PRSS12: variants seen among roughly 807,000 people sequenced by gnomAD.
PRSS12 encodes the protein neurotrypsin.
A neutral mutation model predicts 104.4 loss-of-function variants in PRSS12; 85 were observed. The ratio of observed to expected loss-of-function variants is 0.81; its 90% CI spans 0.68 to 0.98. The LOEUF (loss-of-function observed/expected upper bound fraction) is 0.98, where lower values mean the gene tolerates loss of function less well. Ranked by LOEUF, PRSS12 falls within the 50% of genes least tolerant of loss-of-function variation. PRSS12 has a pLI of 0.00. For synonymous variants in PRSS12, 454 were observed against 425.2 expected (o/e 1.07, Z -0.83); for missense variants, 1,141 against 1,139.2 (o/e 1.00, Z -0.02).
intron 1 of PRSS12, among the ~76,000 whole-genome samples, chr4:118,348,902 T>G (rs1179651979): frequency 6.6e-6 from 1 of 152,172 alleles, no homozygotes. Context: ...TCCACCTGCC[T>G]CAGCCTCCCA....
At chr4:118,306,713 G>A (rs1348386975) in intron 8 of PRSS12, among the ~76,000 whole-genome samples, 1 of 152,014 alleles carries the variant, frequency 6.6e-6, no homozygotes, top group East Asian at 1.9e-4. Flanking sequence ...ATGAGATTTG[G>A]GTGGGGACAA....
At chr4:118,303,305 A>G (rs1028861140) in intron 8 of PRSS12, 2 of 152,164 alleles carry the variant, frequency 1.3e-5, no homozygotes, top group Non-Finnish European at 2.9e-5. Context: ...AGTAGATGGC[A>G]GGTAGAAGTA....
At chr4:118,314,530 A>G (rs1743851404) in intron 6 of PRSS12, among the ~76,000 whole-genome samples, 1 of 152,128 alleles carries the variant, frequency 6.6e-6, no homozygotes, top group African/African-American at 2.4e-5. Flanking sequence ...TGTCCATAGC[A>G]ACTACACAAC....
At position 118,307,198 on chromosome 4, in the gene PRSS12, T is replaced by C. The variant is rs140012574; in HGVS notation, c.1631+1238A>G. Among the ~76,000 whole-genome samples the C allele has an allele frequency of 3.7e-3, 561 of 152,210 alleles. 2 individuals carry two copies. Among genetic ancestry groups the C allele is most frequent in the African/African-American group, 0.013 (525 of 41,540 alleles). On this transcript the variant is annotated intron_variant, in intron 8 of 12. Transcript: ENST00000296498. Reference sequence around the variant, plus strand: ...ACTTTACTGCCCCATATTTTGAAAATTGAAAATTTATATCACAAATGAAGG... The same window carrying C: ...ACTTTACTGCCCCATATTTTGAAAACTGAAAATTTATATCACAAATGAAGG...
chr4:118,318,903 T>C (rs1723530206), intron 4 of PRSS12, among the ~76,000 whole-genome samples: 1 of 152,198 alleles, frequency 6.6e-6, no homozygotes. Context: ...TGTGGTAAAA[T>C]AAACATAACA....
chr4:118,308,644 T>G lies in PRSS12; in HGVS notation c.1490-67A>C. On this transcript the variant is annotated intron_variant, in intron 7 of 12. Coordinates refer to ENST00000296498, the MANE Select transcript of PRSS12 (RefSeq NM_003619.4). ...AAACTGATTCTAAAGCATGAGCGAC[T>G]CTACAAAACACAATTGTTCTTTTTA... 4.5e-6 allele frequency: 7 copies of G among 1,560,816 alleles called. No individual in the cohort carries two copies. The South Asian group carries it at 7.8e-5, about 17-fold the overall frequency.
intron 6 of PRSS12, 73 bp from the exon 7 acceptor site, chr4:118,313,470 C>T: frequency 1.3e-6 from 2 of 1,483,080 alleles, no homozygotes; most frequent in South Asian, 1.1e-5. Context: ...ACATTTAACA[C>T]AAGCAACTTA....
In PRSS12 at chr4:118,313,258, G is replaced by A. The variant is rs143623699; in HGVS notation, c.1432C>T (p.Arg478Cys). 2.3e-5 allele frequency: 37 copies of A among 1,613,964 alleles called. No individual in the cohort carries two copies. The highest frequency in any genetic ancestry group is 6.6e-5 in the South Asian group (6 of 91,086). Residue 478 changes from arginine to cysteine, a missense_variant, in exon 7 of 13, where the codon CGC becomes TGC. Transcript: ENST00000296498. ...TAGCAGGCAATGCTAACATCTTCGC[G>A]GTGGCTGCAGTCATGCCTTCCCCAC... ...RQWGRHDCSH[R>C]EDVSIACYPG...
At chr4:118,284,991 C>T (rs1742983140) in intron 11 of PRSS12, among the ~76,000 whole-genome samples, 1 of 152,094 alleles carries the variant, frequency 6.6e-6, no homozygotes, top group Non-Finnish European at 1.5e-5. Flanking sequence ...AAACTTCCCA[C>T]TTCTATAAAA....
At chr4:118,323,945 G>A (rs1262765813) in intron 4 of PRSS12, among the ~76,000 whole-genome samples, 1 of 151,860 alleles carries the variant, frequency 6.6e-6, no homozygotes, top group East Asian at 1.9e-4. Context: ...TGTCACTAAG[G>A]CTGGATTCCA....
In PRSS12 at chr4:118,352,539, G is replaced by GGCGGCGGCGGAC; in HGVS notation, c.170_181dup (p.Arg57_Pro60dup). The GGCGGCGGCGGAC allele has an allele frequency of 6.6e-7, 1 of 1,504,700 alleles. No homozygotes were observed. 93.2% of individuals were successfully genotyped at this position (1,504,700 alleles called of 1,614,324 possible). ...CGGGGGGCGCGGGAAGCGCGGGAGAGGCGGCGGCGGACGCGTCCTCGGGGG... is the reference window on the plus strand; with the variant it reads ...CGGGGGGCGCGGGAAGCGCGGGAGAGGCGGCGGCGGACGCGGCGGCGGACGCGTCCTCGGGGG... On this transcript the variant is annotated inframe_insertion, in exon 1 of 13. Coordinates refer to ENST00000296498, the MANE Select transcript of PRSS12 (RefSeq NM_003619.4).
chr4:118,352,617 T>A lies in PRSS12; in HGVS notation c.104A>T (p.His35Leu). Residue 35 changes from histidine to leucine, a missense_variant, in exon 1 of 13, where the codon CAT becomes CTT. His to Leu is a moderately conservative substitution (Grantham distance 99). Transcript: ENST00000296498. ...GTAGTGCGGACCCGCAGGGGGCGAA[T>A]GGCGGTGGCTGTGGTGGAGGGAATC... ...LNDSLHHSHRHSPPAGPHYPY... is the reference protein window; with the variant it reads ...LNDSLHHSHRLSPPAGPHYPY... The A allele has an allele frequency of 3.1e-6, 5 of 1,611,186 alleles. No individual in the cohort carries two copies. The South Asian group carries it at 3.3e-5, about 11-fold the overall frequency.
chr4:118,321,631 C>T (rs1387901915), intron 4 of PRSS12, among the ~76,000 whole-genome samples: 1 of 152,162 alleles, frequency 6.6e-6, no homozygotes, highest in African/African-American at 2.4e-5. Context: ...TAAGGAATCC[C>T]CACGTACCCC....
intron 5 of PRSS12, among the ~76,000 whole-genome samples, chr4:118,316,837 A>ATATATATATATATATATAT (rs768370790): frequency 1.0e-4 from 10 of 99,184 alleles, no homozygotes; most frequent in Non-Finnish European, 1.8e-4. Context: ...AAAAAAAAAA[A>ATATATATATATATATATAT]ATATATATAT....
chr4:118,298,888 G>A lies in PRSS12; in HGVS notation c.1682C>T (p.Pro561Leu). The change falls in exon 9 of 13, where the codon CCC becomes CTC. Residue 561 changes from proline to leucine, a missense_variant. Transcript: ENST00000296498. Reference protein sequence around the residue: ...TMAYFGEGKGPIHVDNVKCTG... With the variant: ...TMAYFGEGKGLIHVDNVKCTG... ...GCACTTCACATTATCCACATGGATG[G>A]GTCCTTTTCCTTCTCCAAAGTAAGC... is the stretch of plus-strand genomic sequence containing the variant. The A allele has an allele frequency of 6.2e-7, 1 of 1,614,172 alleles. No homozygotes were observed. The highest frequency in any genetic ancestry group is 8.5e-7 in the Non-Finnish European group (1 of 1,180,040).
At chr4:118,299,438 T>C (rs1221463368) in intron 8 of PRSS12, among the ~76,000 whole-genome samples, 1 of 152,118 alleles carries the variant, frequency 6.6e-6, no homozygotes, top group Non-Finnish European at 1.5e-5. Flanking sequence ...CCCAACACTT[T>C]GGGAGGCCAA....
chr4:118,307,756 G>A (rs1250248534), intron 8 of PRSS12, among the ~76,000 whole-genome samples: 1 of 152,128 alleles, frequency 6.6e-6, no homozygotes, highest in African/African-American at 2.4e-5. Context: ...TCACGCCTGA[G>A]GGAAGCTTAT....
chr4:118,282,747 A>C, intron 12 of PRSS12, 84 bp downstream of exon 12: 10 of 1,571,852 alleles, frequency 6.4e-6, no homozygotes, highest in Non-Finnish European at 8.7e-6. Context: ...AATCCATTTA[A>C]GATCTTATTG....
At chr4:118,314,594 A>C (rs1201227424) in intron 6 of PRSS12, among the ~76,000 whole-genome samples, 1 of 152,138 alleles carries the variant, frequency 6.6e-6, no homozygotes, top group East Asian at 1.9e-4. Flanking sequence ...AAAAACCCAA[A>C]GTTTACTTTT....
Sources: gnomAD v4.1 joint callset for allele counts (sites outside exome capture counted in the v4.1 genomes callset) on GRCh38, gnomAD v4.1.1 for gene constraint, MANE v1.5 for transcripts, NCBI Gene and HGNC (gene_info 2026-07-23, HGNC 2026-07-21) for gene names.